Variants in AVEN observed in about 807,000 individuals in gnomAD.
The protein encoded by AVEN is apoptosis and caspase activation inhibitor, also known as cell death regulator Aven.
In AVEN, 41 loss-of-function variants were observed where a neutral mutation model predicts 38.1. The ratio of observed to expected loss-of-function variants is 1.08; its 90% CI spans 0.84 to 1.40. The LOEUF is 1.40. Among genes scored for constraint, AVEN ranks in the 40% most tolerant of loss-of-function variants. The probability of loss-of-function intolerance (pLI) is 0.00; values close to 1 mark genes in which losing one functional copy is unlikely to be tolerated. For missense variants in AVEN, 605 were observed against 438.8 expected (o/e 1.38, Z -3.38); for synonymous variants, 206 against 171.8 (o/e 1.20, Z -1.56).
At chr15:33,858,001 G>T (rs2079882678), downstream of AVEN, 1 of 1,552,884 alleles carries the variant, frequency 6.4e-7, no homozygotes, top group Admixed American at 1.8e-5. Context: ...GCTGTGTGGG[G>T]GTGCTCTTGA....
intron 2 of AVEN, among the ~76,000 whole-genome samples, chr15:33,992,338 CG>C (rs1304862412): frequency 1.1e-4 from 17 of 151,470 alleles, no homozygotes; most frequent in Middle Eastern, 3.5e-3. Context: ...TGCAGTGAGC[CG>C]AGATTGCGCC....
At chr15:33,857,785 TCTGA>T (rs778494609), downstream of AVEN, 8 of 1,613,932 alleles carry the variant, frequency 5.0e-6, no homozygotes, top group Non-Finnish European at 5.1e-6. Flanking sequence ...CCCAGTTGGT[TCTGA>T]CTGTCGGTCT....
At chr15:34,072,749 A>G (rs1004599131) in intron 1 of AVEN, among the ~76,000 whole-genome samples, 2 of 135,978 alleles carry the variant, frequency 1.5e-5, no homozygotes, top group Non-Finnish European at 3.2e-5. Flanking sequence ...CCCGGGTTCA[A>G]CACACCATTC....
At chr15:33,997,323 T>C (rs1386281968) in intron 2 of AVEN, among the ~76,000 whole-genome samples, 3 of 151,770 alleles carry the variant, frequency 2.0e-5, no homozygotes, top group African/African-American at 7.3e-5. Flanking sequence ...AACCCACAAA[T>C]CAATAAGAAA....
intron 4 of AVEN, chr15:34,064,503 T>G (rs1254714274): frequency 1.4e-6 from 1 of 691,976 alleles, no homozygotes; most frequent in Non-Finnish European, 2.4e-6. Flanking sequence ...TGCTGACATA[T>G]TAAATGACTC....
At chr15:33,959,656 A>G (rs112662416) in intron 2 of AVEN, among the ~76,000 whole-genome samples, 3,100 of 152,300 alleles carry the variant, frequency 0.02, 75 homozygotes, top group African/African-American at 0.063. Flanking sequence ...AAGGTCAGAC[A>G]CCAGGTGAAC....
chr15:33,866,772 A>AAATTGAAGGTATAATT (rs1300797164), intron 5 of AVEN, 44 bp from the exon 6 acceptor site: 1 of 1,395,624 alleles, frequency 7.2e-7, no homozygotes, highest in Non-Finnish European at 1.0e-6. Flanking sequence ...ATGAGTCCTA[A>AAATTGAAGGTATAATT]AATTGAAGGT....
At position 34,067,843 on chromosome 15, in the gene AVEN, A is replaced by G. The variant is rs1308965696; in HGVS notation, n.785-1032T>C. On this transcript the variant is annotated intron_variant and non_coding_transcript_variant, in intron 2 of 11. Coordinates refer to the AVEN transcript ENST00000675287. ...CCCCACTCCATTCCCATTGTAAGTG[A>G]TACTAATTTCCATCTTCCCCACATC... is the stretch of plus-strand genomic sequence containing the variant. Among the ~76,000 whole-genome samples the G allele has an allele frequency of 2.6e-5, 4 of 152,158 alleles. No individual in the cohort carries two copies. The East Asian group carries it at 7.7e-4, about 29-fold the overall frequency.
Position 33,867,605 on chromosome 15 carries a change from A to C in AVEN, c.863T>G (p.Leu288Arg). 2 of 1,614,238 alleles carry C rather than the reference A, an allele frequency of 1.2e-6. No individual in the cohort carries two copies. Among genetic ancestry groups the C allele is most frequent in the Non-Finnish European group, 1.7e-6 (2 of 1,180,046 alleles). Residue 288 changes from leucine (L) to arginine (R), a missense_variant, in exon 5 of 6, where the codon CTG becomes CGG. Physicochemically the swap from Leu to Arg is moderately radical, Grantham distance 102. Coordinates refer to ENST00000306730, the MANE Select transcript of AVEN (RefSeq NM_020371.3). Reference sequence around the variant, plus strand: ...TATAGGTGCATCTAAATTAAGCAACAGATCTAGTTCTTCTTCCAAATGGTC... The same window carrying C: ...TATAGGTGCATCTAAATTAAGCAACCGATCTAGTTCTTCTTCCAAATGGTC... ...AGDHLEEELD[L>R]LLNLDAPIKE...
chr15:33,994,192 T>G (rs1048948183), intron 2 of AVEN, among the ~76,000 whole-genome samples: 3 of 152,170 alleles, frequency 2.0e-5, no homozygotes, highest in African/African-American at 7.2e-5. Context: ...ACTGCTTGCA[T>G]TAGTGCCTGA....
At chr15:33,870,899 A>G in intron 4 of AVEN, 36 bp downstream of exon 4, 1 of 1,526,562 alleles carries the variant, frequency 6.6e-7, no homozygotes, top group Non-Finnish European at 9.1e-7. Context: ...CTCCTGCCCT[A>G]ATCCACCCGC....
intron 2 of AVEN, among the ~76,000 whole-genome samples, chr15:33,926,721 C>T (rs923563999): frequency 1.3e-5 from 2 of 152,160 alleles, no homozygotes; most frequent in Non-Finnish European, 2.9e-5. Flanking sequence ...AGTGCACAAT[C>T]TCAGCTCACT....
intron 5 of AVEN, among the ~76,000 whole-genome samples, chr15:34,048,398 G>C (rs1331107534): frequency 6.9e-6 from 1 of 144,320 alleles, no homozygotes; most frequent in Non-Finnish European, 1.5e-5. Context: ...GACAAGGAAG[G>C]GTCCCCCACA....
intron 2 of AVEN, among the ~76,000 whole-genome samples, chr15:33,923,848 A>C (rs1893504442): frequency 6.6e-6 from 1 of 151,598 alleles, no homozygotes; most frequent in African/African-American, 2.4e-5. Flanking sequence ...TGCACCTAAG[A>C]GGGATCCAGG....
chr15:33,978,155 C>A (rs964887151), intron 2 of AVEN, among the ~76,000 whole-genome samples: 2 of 152,050 alleles, frequency 1.3e-5, no homozygotes, highest in African/African-American at 4.8e-5. Flanking sequence ...GATCCAAGTA[C>A]ATGAAGAAAG....
At chr15:33,873,499 T>A (rs1440153836) in intron 3 of AVEN, among the ~76,000 whole-genome samples, 1 of 148,022 alleles carries the variant, frequency 6.8e-6, no homozygotes, top group South Asian at 2.1e-4. Context: ...ATATAATATA[T>A]AATATATATA....
chr15:33,868,767 GGA>G (rs147842951), intron 4 of AVEN, among the ~76,000 whole-genome samples: 2,902 of 152,210 alleles, frequency 0.019, 88 homozygotes, highest in African/African-American at 0.067. Flanking sequence ...TGCCTTTTGG[GGA>G]GAGAGTGACG....
At chr15:33,869,250 G>C (rs532986512) in intron 4 of AVEN, among the ~76,000 whole-genome samples, 3 of 152,202 alleles carry the variant, frequency 2.0e-5, no homozygotes, top group East Asian at 3.8e-4. Flanking sequence ...TGATTCTAAT[G>C]TGCAAACAAG....
intron 2 of AVEN, among the ~76,000 whole-genome samples, chr15:33,881,155 C>G (rs1023673480): frequency 3.3e-5 from 5 of 152,120 alleles, no homozygotes; most frequent in African/African-American, 1.2e-4. Flanking sequence ...GTGGCACAAT[C>G]AGAGCTCACT....
Sources: gnomAD v4.1 joint callset for allele counts (sites outside exome capture counted in the v4.1 genomes callset) on GRCh38, gnomAD v4.1.1 for gene constraint, MANE v1.5 for transcripts, NCBI Gene and HGNC (gene_info 2026-07-23, HGNC 2026-07-21) for gene names.